CTRB1: variants seen among roughly 807,000 people sequenced by gnomAD.
The protein encoded by CTRB1 is chymotrypsinogen B.
In CTRB1, 15 loss-of-function variants were observed where a neutral mutation model predicts 20.4. The observed-to-expected ratio is 0.74, with a 90% CI of 0.49 to 1.13. The LOEUF (loss-of-function observed/expected upper bound fraction) is 1.13, where lower values mean the gene tolerates loss of function less well. Among genes scored for constraint, CTRB1 ranks in the 50% most tolerant of loss-of-function variants. CTRB1 has a pLI of 0.00. For synonymous variants in CTRB1, 92 were observed against 128.4 expected (o/e 0.72, Z 1.92); for missense variants, 227 against 290.1 (o/e 0.78, Z 1.58).
At chr16:75,222,902 C>T (rs1183018797) in intron 2 of CTRB1, 31 bp downstream of exon 2, 1 of 1,430,206 alleles carries the variant, frequency 7.0e-7, no homozygotes, top group Non-Finnish European at 9.4e-7. Context: ...GGGGGGCACC[C>T]TGGGTAGGGG....
chr16:75,224,683 C>T (rs759023339), intron 6 of CTRB1, 22 bp from the exon 7 acceptor site: 2 of 1,592,824 alleles, frequency 1.3e-6, no homozygotes, highest in Non-Finnish European at 1.7e-6. Flanking sequence ...CAGATCCAAG[C>T]CCCCTTCTCC....
chr16:75,219,395 CT>C (rs1044240526), intron 1 of CTRB1, among the ~76,000 whole-genome samples: 113 of 145,360 alleles, frequency 7.8e-4, no homozygotes, highest in Admixed American at 3.0e-3. Context: ...TCCTTTCTTT[CT>C]TTTTTTTTTT....
intron 1 of CTRB1, among the ~76,000 whole-genome samples, chr16:75,220,333 A>C (rs1272754891): frequency 6.6e-6 from 1 of 151,922 alleles, no homozygotes; most frequent in Non-Finnish European, 1.5e-5. Flanking sequence ...ACAGGCATGC[A>C]TCACCACACC....
chr16:75,224,568 T>C (rs2076719080), intron 6 of CTRB1, 137 bp from the exon 7 acceptor site: 1 of 1,068,508 alleles, frequency 9.4e-7, no homozygotes, highest in Admixed American at 2.5e-5. Context: ...GGGTCTTTCA[T>C]AACCCACGCA....
intron 5 of CTRB1, 63 bp downstream of exon 5, chr16:75,223,691 C>CATTTGGCGCTTCTT (rs2076712146): frequency 5.6e-6 from 2 of 358,942 alleles, no homozygotes. Context: ...CCCCCGTGAC[C>CATTTGGCGCTTCTT]GTTTGGCTCT....
chr16:75,224,046 G>T lies in CTRB1; in HGVS notation c.497-9G>T. On this transcript the variant is annotated splice_polypyrimidine_tract_variant and intron_variant, in intron 5 of 6. Transcript: ENST00000361017. ...GCCCAGGGGCCCTGACCCTCCTCCT[G>T]TCCTGCAGCCAACAAGACCCCTGAC... 1 of 1,020,238 alleles carries T rather than the reference G, an allele frequency of 9.8e-7. No homozygotes were observed. The highest frequency in any genetic ancestry group is 1.6e-5 in the South Asian group (1 of 62,874). 63.2% of individuals were successfully genotyped at this position (1,020,238 alleles called of 1,614,324 possible). A position where few individuals can be genotyped will look rare whatever the true frequency, so the allele number is the denominator to read the frequency against.
chr16:75,222,275 G>A (rs1454931558), intron 1 of CTRB1, among the ~76,000 whole-genome samples: 1 of 152,124 alleles, frequency 6.6e-6, no homozygotes, highest in Non-Finnish European at 1.5e-5. Flanking sequence ...CAAATTGTCA[G>A]AGCCCCAGAT....
chr16:75,222,420 G>A lies in CTRB1; in HGVS notation c.53-348G>A, dbSNP rs547499243. Among the ~76,000 whole-genome samples the A allele has an allele frequency of 2.0e-5, 3 of 152,330 alleles. No individual in the cohort carries two copies. In the South Asian group the frequency reaches 6.2e-4, roughly 32 times the overall value. On this transcript the variant is annotated intron_variant, in intron 1 of 6. Transcript: ENST00000361017. ...TAGCTGAGGACACCAAGGCCTGAGTGCTGCCCTGCCCGGTCTAGGGTCACA... is the reference window on the plus strand; with the variant it reads ...TAGCTGAGGACACCAAGGCCTGAGTACTGCCCTGCCCGGTCTAGGGTCACA...
intron 1 of CTRB1, among the ~76,000 whole-genome samples, chr16:75,222,355 G>GTT (rs2039099854): frequency 6.6e-6 from 1 of 152,100 alleles, no homozygotes; most frequent in African/African-American, 2.4e-5. Context: ...ACAAAGGCAC[G>GTT]TGGGCCAGTG....
chr16:75,221,441 C>T (rs550340901), intron 1 of CTRB1, among the ~76,000 whole-genome samples: 1 of 152,250 alleles, frequency 6.6e-6, no homozygotes, highest in South Asian at 2.1e-4. Flanking sequence ...CTTACTGCAA[C>T]CTCTGTCCCC....
At chr16:75,220,372 T>G (rs981698243) in intron 1 of CTRB1, among the ~76,000 whole-genome samples, 1 of 152,068 alleles carries the variant, frequency 6.6e-6, no homozygotes, top group African/African-American at 2.4e-5. Context: ...TTAATAGAGA[T>G]GGGGTTTCAC....
chr16:75,222,739 C>T, intron 1 of CTRB1, 29 bp from the exon 2 acceptor site: 2 of 1,546,142 alleles, frequency 1.3e-6, no homozygotes, highest in African/African-American at 1.4e-5. Context: ...TTTGGGGCCT[C>T]AGCCCTTATT....
At chr16:75,219,897 C>T (rs984911744) in intron 1 of CTRB1, among the ~76,000 whole-genome samples, 2 of 152,206 alleles carry the variant, frequency 1.3e-5, no homozygotes, top group East Asian at 1.9e-4. Context: ...GCAGTGTGAG[C>T]TTATACAATT....
Position 75,220,749 on chromosome 16 carries a change from G to T in CTRB1, c.52+1690G>T, listed in dbSNP as rs1381559591. 2.4e-4 allele frequency among the ~76,000 whole-genome samples: 26 copies of T among 106,888 alleles called. No homozygotes were observed. In the Admixed American group the frequency reaches 2.9e-3, roughly 12 times the overall value. The allele number at this position is 106,888 out of a possible 152,430, so 70.1% of individuals were successfully genotyped here. On this transcript the variant is annotated intron_variant, in intron 1 of 6. Coordinates refer to ENST00000361017, the MANE Select transcript of CTRB1 (RefSeq NM_001906.6). The stretch of plus-strand genomic sequence containing the variant: ...TGTTGTGTGAGTATGCCACCATCTA[G>T]TTCTCTTATTTATTTATTTATTTTT...
At chr16:75,220,082 C>T (rs1421469025) in intron 1 of CTRB1, among the ~76,000 whole-genome samples, 1 of 152,192 alleles carries the variant, frequency 6.6e-6, no homozygotes, top group Non-Finnish European at 1.5e-5. Flanking sequence ...CTCAAGGGCT[C>T]GAGTGATCCT....
At chr16:75,222,206 A>G (rs1486519708) in intron 1 of CTRB1, among the ~76,000 whole-genome samples, 1 of 151,586 alleles carries the variant, frequency 6.6e-6, no homozygotes, top group African/African-American at 2.4e-5. Context: ...TGTTTCCTGA[A>G]ATTGTGGAAT....
rs367746247 is a variant in CTRB1, at chr16:75,221,953, C to G, written c.53-815C>G. On this transcript the variant is annotated intron_variant, in intron 1 of 6. Transcript: ENST00000361017. ...GCGGGCACCTGTAGTCCCAGCTACT[C>G]GGGAGGCTGAGGCAGGAGAATGGCG... Among the ~76,000 whole-genome samples the G allele has an allele frequency of 5.3e-5, 8 of 150,780 alleles. No individual in the cohort carries two copies. In the Middle Eastern group the frequency reaches 0.01, roughly 192 times the overall value.
At position 75,222,863 on chromosome 16, in the gene CTRB1, T is replaced by TC. The variant is rs2076704888; in HGVS notation, c.151dup (p.Leu51ProfsTer40). 1.3e-6 allele frequency: 2 copies of TC among 1,516,028 alleles called. No homozygotes were observed. Among genetic ancestry groups the TC allele is most frequent in the Non-Finnish European group, 1.8e-6 (2 of 1,122,978 alleles). 93.9% of individuals were successfully genotyped at this position (1,516,028 alleles called of 1,614,324 possible). A position where few individuals can be genotyped will look rare whatever the true frequency, so the allele number is the denominator to read the frequency against. On this transcript the variant is annotated frameshift_variant, in exon 2 of 7. Transcript: ENST00000361017. LOFTEE classifies it high-confidence loss of function. ...CCCCGGCTCCTGGCCCTGGCAGGTG[T>TC]CCCTGCAGGTGAGGGGGTTCTGCAA...
intron 1 of CTRB1, 90 bp downstream of exon 1, chr16:75,219,149 C>CAGAG: frequency 7.2e-7 from 1 of 1,385,672 alleles, no homozygotes; most frequent in Non-Finnish European, 9.9e-7. Context: ...CCCCCTGGGG[C>CAGAG]CTCATCCCCA....
Sources: allele counts gnomAD v4.1 joint callset (sites outside exome capture counted in the v4.1 genomes callset), GRCh38; gene constraint gnomAD v4.1.1; transcripts MANE v1.5; gene names NCBI Gene and HGNC (gene_info 2026-07-23, HGNC 2026-07-21).